The following SGCZ variants were observed in gnomAD, a reference collection of about 807,000 sequenced individuals.
SGCZ encodes the protein zeta-sarcoglycan.
SGCZ carries 40 observed loss-of-function variants against 41.3 expected under a neutral mutation model. That is an observed-to-expected ratio of 0.97 (90% CI 0.75 to 1.26). SGCZ has a LOEUF of 1.26. Among genes scored for constraint, SGCZ ranks in the 50% most tolerant of loss-of-function variants. The pLI, the probability that SGCZ is intolerant of heterozygous loss-of-function variation, is 0.00. For missense variants in SGCZ, 552 were observed against 369.8 expected (o/e 1.49, Z -4.04); for synonymous variants, 206 against 137.5 (o/e 1.50, Z -3.49).
chr8:15,131,067 T>C (rs998166151), intron 1 of SGCZ, among the ~76,000 whole-genome samples: 25 of 152,200 alleles, frequency 1.6e-4, no homozygotes, highest in Admixed American at 2.6e-4. Flanking sequence ...CATCAAGATT[T>C]ACTTCCAAAT....
intron 2 of SGCZ, among the ~76,000 whole-genome samples, chr8:14,477,775 G>A (rs1177940272): frequency 6.6e-6 from 1 of 152,150 alleles, no homozygotes; most frequent in Non-Finnish European, 1.5e-5. Context: ...TAGGAAATGT[G>A]TCTGAAAAAT....
At chr8:14,452,714 C>A (rs935157245) in intron 2 of SGCZ, among the ~76,000 whole-genome samples, 5 of 152,000 alleles carry the variant, frequency 3.3e-5, no homozygotes, top group African/African-American at 9.7e-5. Flanking sequence ...TATATTGGAA[C>A]TCTTTTTGTG....
chr8:14,277,405 T>C (rs921805589), intron 3 of SGCZ, among the ~76,000 whole-genome samples: 1 of 148,942 alleles, frequency 6.7e-6, no homozygotes, highest in African/African-American at 2.4e-5. Context: ...TTTACAACTC[T>C]ACTCAGAAAT....
At chr8:15,009,032 G>A (rs991941623) in intron 1 of SGCZ, among the ~76,000 whole-genome samples, 1 of 152,006 alleles carries the variant, frequency 6.6e-6, no homozygotes, top group Non-Finnish European at 1.5e-5. Context: ...CTATACAATT[G>A]TCCCTCCTGT....
chr8:15,145,768 A>T (rs1184519692), intron 1 of SGCZ, among the ~76,000 whole-genome samples: 3 of 152,226 alleles, frequency 2.0e-5, no homozygotes, highest in Admixed American at 6.5e-5. Context: ...ATCTTCCTAA[A>T]GAATGGAGAT....
intron 5 of SGCZ, among the ~76,000 whole-genome samples, chr8:14,108,661 G>A (rs1238255956): frequency 1.3e-5 from 2 of 152,064 alleles, no homozygotes; most frequent in Non-Finnish European, 2.9e-5. Flanking sequence ...CATTATAGGA[G>A]TACAATTCTA....
chr8:14,922,634 G>C (rs966440217), intron 1 of SGCZ, among the ~76,000 whole-genome samples: 2 of 152,008 alleles, frequency 1.3e-5, no homozygotes, highest in Non-Finnish European at 2.9e-5. Flanking sequence ...TTCACCTTGA[G>C]AATCATGAAT....
chr8:14,177,409 G>C (rs1804575328), intron 4 of SGCZ, among the ~76,000 whole-genome samples: 1 of 152,282 alleles, frequency 6.6e-6, no homozygotes, highest in East Asian at 1.9e-4. Context: ...TAACTGATGA[G>C]CAAGTTACAA....
intron 1 of SGCZ, among the ~76,000 whole-genome samples, chr8:14,704,429 G>C (rs1393367491): frequency 6.6e-6 from 1 of 151,818 alleles, no homozygotes; most frequent in Non-Finnish European, 1.5e-5. Flanking sequence ...ATTAAATTTT[G>C]ATAAGTTTTT....
At chr8:14,768,783 G>C (rs2255788) in intron 1 of SGCZ, among the ~76,000 whole-genome samples, 107,520 of 151,598 alleles carry the variant, frequency 0.71, 39,252 homozygotes, top group African/African-American at 0.89. Flanking sequence ...TCAGAAAGCT[G>C]TCATATGAAA....
intron 1 of SGCZ, among the ~76,000 whole-genome samples, chr8:15,198,238 A>G (rs997311207): frequency 6.6e-6 from 1 of 151,856 alleles, no homozygotes; most frequent in African/African-American, 2.4e-5. Context: ...ACCTATTTGC[A>G]TTTTTACGCC....
chr8:14,857,807 A>C (rs370543275), intron 1 of SGCZ, among the ~76,000 whole-genome samples: 3 of 152,294 alleles, frequency 2.0e-5, no homozygotes, highest in South Asian at 4.1e-4. Flanking sequence ...TGGAGGTAGC[A>C]GTGAGCTGAG....
intron 1 of SGCZ, among the ~76,000 whole-genome samples, chr8:14,737,881 A>C (rs1039935495): frequency 8.5e-5 from 13 of 152,144 alleles, no homozygotes; most frequent in African/African-American, 3.1e-4. Context: ...AGTTTATTTC[A>C]TAAAAGGTAC....
intron 1 of SGCZ, among the ~76,000 whole-genome samples, chr8:15,033,636 T>C (rs1803767614): frequency 6.6e-6 from 1 of 152,084 alleles, no homozygotes; most frequent in East Asian, 1.9e-4. Context: ...ACAGTTCCCA[T>C]GGCCTAAAGC....
chr8:14,902,665 G>C (rs565746497), intron 1 of SGCZ, among the ~76,000 whole-genome samples: 1 of 152,128 alleles, frequency 6.6e-6, no homozygotes, highest in Non-Finnish European at 1.5e-5. Flanking sequence ...AATTAGCCTA[G>C]TCCTGACATT....
At chr8:14,971,645 CTTTTT>C (rs11456903) in intron 1 of SGCZ, among the ~76,000 whole-genome samples, 1 of 114,682 alleles carries the variant, frequency 8.7e-6, no homozygotes, top group Non-Finnish European at 1.7e-5. Context: ...ATTTTATATA[CTTTTT>C]TTTTTTTTTT....
Position 14,181,135 on chromosome 8 carries a change from G to A in SGCZ, c.425-16433C>T, listed in dbSNP as rs906385022. Among the ~76,000 whole-genome samples, 3 of 152,150 alleles carry A rather than the reference G, an allele frequency of 2.0e-5. No individual in the cohort carries two copies. The South Asian group carries it at 6.2e-4, about 32-fold the overall frequency. On this transcript the variant is annotated intron_variant, in intron 4 of 7. Transcript: ENST00000382080. Reference sequence around the variant, plus strand: ...AGTCTCCCTAATAGGGCCAACGGGAGAAAACCCAATGGTAATAATGTTACA... The same window carrying A: ...AGTCTCCCTAATAGGGCCAACGGGAAAAAACCCAATGGTAATAATGTTACA...
chr8:15,234,668 C>T (rs1437150971), intron 1 of SGCZ, among the ~76,000 whole-genome samples: 1 of 152,148 alleles, frequency 6.6e-6, no homozygotes, highest in African/African-American at 2.4e-5. Flanking sequence ...ACAATTAGAG[C>T]TTATCTTTAG....
intron 2 of SGCZ, among the ~76,000 whole-genome samples, chr8:14,430,542 T>C (rs1799915019): frequency 6.6e-6 from 1 of 152,064 alleles, no homozygotes; most frequent in Non-Finnish European, 1.5e-5. Flanking sequence ...AAGTGACCTA[T>C]TTCAATGTAA....
Sources: gnomAD v4.1 joint callset for allele counts (sites outside exome capture counted in the v4.1 genomes callset) on GRCh38, gnomAD v4.1.1 for gene constraint, MANE v1.5 for transcripts, NCBI Gene and HGNC (gene_info 2026-07-23, HGNC 2026-07-21) for gene names.